The following TET1 variants were observed in gnomAD, a reference collection of about 807,000 sequenced individuals.
TET1 encodes the protein tet methylcytosine dioxygenase 1.
TET1 carries 13 observed loss-of-function variants against 148.7 expected under a neutral mutation model. The observed-to-expected ratio is 0.09, with a 90% confidence interval of 0.06 to 0.14. The LOEUF (loss-of-function observed/expected upper bound fraction) is 0.14. Ranked by LOEUF, TET1 falls within the 10% of genes least tolerant of loss-of-function variation. The pLI, the probability that TET1 is intolerant of heterozygous loss-of-function variation, is 1.00. For missense variants in TET1, 2,182 were observed against 2,553.8 expected (o/e 0.85, Z 3.14); for synonymous variants, 907 against 937.2 (o/e 0.97, Z 0.59).
chr10:68,620,313 C>A (rs2054352304), intron 3 of TET1, among the ~76,000 whole-genome samples: 1 of 152,190 alleles, frequency 6.6e-6, no homozygotes, highest in Non-Finnish European at 1.5e-5. Flanking sequence ...CCTTAGCTGT[C>A]ATTCCCCAAT....
At chr10:68,614,484 T>G (rs1196023248) in intron 3 of TET1, among the ~76,000 whole-genome samples, 1 of 152,190 alleles carries the variant, frequency 6.6e-6, no homozygotes, top group East Asian at 1.9e-4. Flanking sequence ...ATTTGCTAAA[T>G]TCTGAAATGA....
At chr10:68,569,166 C>CTGTTTTTTTTTTT in intron 1 of TET1, among the ~76,000 whole-genome samples, 1 of 69,778 alleles carries the variant, frequency 1.4e-5, no homozygotes, top group Non-Finnish European at 2.6e-5. Context: ...AGGAGAGTTT[C>CTGTTTTTTTTTTT]TTTTTTTTTT....
Position 68,691,060 on chromosome 10 carries a change from G to C in TET1, c.5657G>C (p.Gly1886Ala), listed in dbSNP as rs2055584464. Residue 1886 changes from glycine to alanine, a missense_variant, in exon 12 of 12, where the codon GGA becomes GCA. Transcript: ENST00000373644. This position sits in a 1 kb window ranked among gnomAD's most constrained non-coding sequence, Gnocchi z 4.4. ...SSTPHCTMPS[G>A]RLSGANAAAA... ...ACTCCCCACTGTACGATGCCTTCGGGAAGACTCAGTGGTGCCAATGCAGCT... is the reference window on the plus strand; with the variant it reads ...ACTCCCCACTGTACGATGCCTTCGGCAAGACTCAGTGGTGCCAATGCAGCT... 6.2e-7 allele frequency: 1 copy of C among 1,614,068 alleles called. No homozygotes were observed. Among genetic ancestry groups the C allele is most frequent in the South Asian group, 1.1e-5 (1 of 91,086 alleles).
At chr10:68,681,896 A>G (rs1422705580) in intron 9 of TET1, among the ~76,000 whole-genome samples, 1 of 148,222 alleles carries the variant, frequency 6.7e-6, no homozygotes, top group Non-Finnish European at 1.5e-5. Context: ...TGAACCCAGG[A>G]GGTGGAGGTT....
intron 3 of TET1, among the ~76,000 whole-genome samples, chr10:68,618,249 G>C (rs767990030): frequency 9.9e-5 from 15 of 152,110 alleles, no homozygotes; most frequent in Non-Finnish European, 2.1e-4. Context: ...GCACAGTGTA[G>C]TTAAAATGGC....
chr10:68,683,430 G>C (rs34219621), intron 10 of TET1, among the ~76,000 whole-genome samples: 16,619 of 151,894 alleles, frequency 0.11, 1,110 homozygotes, highest in South Asian at 0.17. Context: ...AGGCGCCCAC[G>C]ACCACACCCG....
In TET1 at chr10:68,645,877, C is replaced by G; in HGVS notation, c.3148C>G (p.Gln1050Glu). The change falls in exon 4 of 12, where the codon CAG becomes GAG. Residue 1050 changes from glutamine (Q) to glutamate (E), a missense_variant. Coordinates refer to ENST00000373644, the MANE Select transcript of TET1 (RefSeq NM_030625.3). ...AAATAATGAAGTGGAGTATTGCAAC[C>G]AGTTACTGGACAGCAGCAAAAAATT... The part of the protein sequence containing the change: ...PRNNEVEYCN[Q>E]LLDSSKKLDS... The G allele has an allele frequency of 6.2e-7, 1 of 1,613,878 alleles. No individual in the cohort carries two copies. The highest frequency in any genetic ancestry group is 8.5e-7 in the Non-Finnish European group (1 of 1,179,986).
chr10:68,609,132 G>C (rs1043315466), intron 3 of TET1, among the ~76,000 whole-genome samples: 2 of 151,980 alleles, frequency 1.3e-5, no homozygotes, highest in Non-Finnish European at 2.9e-5. Flanking sequence ...TGAGTACCTA[G>C]GTTGACAAGT....
At chr10:68,563,204 A>T (rs1230387362) in intron 1 of TET1, among the ~76,000 whole-genome samples, 1 of 151,736 alleles carries the variant, frequency 6.6e-6, no homozygotes, top group Non-Finnish European at 1.5e-5. Context: ...ATATGGAAGG[A>T]GCCATTGACT....
intron 11 of TET1, among the ~76,000 whole-genome samples, chr10:68,689,365 T>G (rs537186874): frequency 2.0e-5 from 3 of 152,310 alleles, no homozygotes; most frequent in African/African-American, 7.2e-5. Flanking sequence ...CTTTTCTTGG[T>G]CCTAAGATTT....
At chr10:68,673,535 A>G (rs773458236) in intron 8 of TET1, 5 of 269,998 alleles carry the variant, frequency 1.9e-5, no homozygotes, top group Middle Eastern at 4.3e-4. Context: ...AATAAGTTCA[A>G]TACTTATATA....
At chr10:68,657,281 ATTCTCCT>A (rs1315896158) in intron 6 of TET1, among the ~76,000 whole-genome samples, 4 of 151,980 alleles carry the variant, frequency 2.6e-5, no homozygotes, top group African/African-American at 9.7e-5. Context: ...AGTTCACGCC[ATTCTCCT>A]GCCTCAGCCT....
intron 4 of TET1, among the ~76,000 whole-genome samples, chr10:68,649,735 A>G (rs763548138): frequency 6.6e-6 from 1 of 152,086 alleles, no homozygotes; most frequent in Non-Finnish European, 1.5e-5. Context: ...TTCTATGTGC[A>G]TGGTTCTAAA....
In TET1 at chr10:68,646,945, C is replaced by G; in HGVS notation, c.4216C>G (p.Pro1406Ala). The G allele has an allele frequency of 6.2e-7, 1 of 1,614,046 alleles. No individual in the cohort carries two copies. Among genetic ancestry groups the G allele is most frequent in the Non-Finnish European group, 8.5e-7 (1 of 1,179,992 alleles). ...NDYAMNFFTN[P>A]TKNLVSITKD... ...TTATGCCATGAACTTCTTTACTAAC[C>G]CTACAAAAAACCTAGTGTCTATAAC... The change falls in exon 4 of 12, where the codon CCT becomes GCT. Residue 1406 changes from proline (P) to alanine (A), a missense_variant. Pro to Ala is a conservative substitution (Grantham distance 27). Around this residue, in one of 11 missense-constraint regions of TET1, gnomAD observed 169 missense variants for 263.7 expected, o/e 0.64. Coordinates refer to ENST00000373644, the MANE Select transcript of TET1 (RefSeq NM_030625.3).
rs2055630512 is a variant in TET1 at position 68,694,425 on chromosome 10, G to A, written c.*2611G>A. 1 of 232,198 alleles carries A rather than the reference G, an allele frequency of 4.3e-6. No individual in the cohort carries two copies. Among genetic ancestry groups the A allele is most frequent in the African/African-American group, 2.2e-5 (1 of 45,288 alleles). 14.4% of individuals were successfully genotyped at this position (232,198 alleles called of 1,614,324 possible). ...TTGTATGCTGGCTACACTGCTTTTAGAATGCTCTTTCTCATGAAGCAAGGA... is the reference window on the plus strand; with the variant it reads ...TTGTATGCTGGCTACACTGCTTTTAAAATGCTCTTTCTCATGAAGCAAGGA... On this transcript the variant is annotated 3_prime_UTR_variant, in exon 12 of 12. Coordinates refer to ENST00000373644, the MANE Select transcript of TET1 (RefSeq NM_030625.3).
In TET1 at chr10:68,632,908, G is replaced by A. The variant is rs536011228; in HGVS notation, c.1969-11790G>A. On this transcript the variant is annotated intron_variant, in intron 3 of 11. Transcript: ENST00000373644. ...AGATTTGTCATAGGAAGAATCTCCTGAACTCTTAAGGAGCATTTAAATGGT... is the reference window on the plus strand; with the variant it reads ...AGATTTGTCATAGGAAGAATCTCCTAAACTCTTAAGGAGCATTTAAATGGT... 3.3e-5 allele frequency among the ~76,000 whole-genome samples: 5 copies of A among 150,556 alleles called. No individual in the cohort carries two copies. The East Asian group carries it at 7.8e-4, about 23-fold the overall frequency.
In TET1 at chr10:68,572,698, G is replaced by A. The variant is rs2053683791; in HGVS notation, c.360G>A (p.Leu120=). The change falls in exon 2 of 12, where the codon CTG becomes CTA. Residue 120 remains leucine, a synonymous_variant. Transcript: ENST00000373644. The part of the protein sequence containing the change: ...SLSRRLSQPP[L]VVAKSKKVPL... ...GCAGGCGACTCTCCCAACCCCCACT[G>A]GTCGTAGCCAAATCCAAAAAGGTTC... 6.2e-7 allele frequency: 1 copy of A among 1,613,960 alleles called. No homozygotes were observed. Among genetic ancestry groups the A allele is most frequent in the Non-Finnish European group, 8.5e-7 (1 of 1,180,012 alleles).
chr10:68,644,821 A>T lies in TET1; in HGVS notation c.2092A>T (p.Asn698Tyr). 3 of 1,614,062 alleles carry T rather than the reference A, an allele frequency of 1.9e-6. No homozygotes were observed. Among genetic ancestry groups the T allele is most frequent in the African/African-American group, 1.3e-5 (1 of 75,056 alleles). Residue 698 changes from asparagine (N) to tyrosine (Y), a missense_variant, in exon 4 of 12, where the codon AAT becomes TAT. Physicochemically the swap from Asn to Tyr is moderately radical, Grantham distance 143. Transcript: ENST00000373644. ...ACATACTGTTGAAAATGTAACTAAAAATGAAGACAGCATGACAGGCATCGA... is the reference window on the plus strand; with the variant it reads ...ACATACTGTTGAAAATGTAACTAAATATGAAGACAGCATGACAGGCATCGA... ...NPHTVENVTKNEDSMTGIEVE... is the reference protein window; with the variant it reads ...NPHTVENVTKYEDSMTGIEVE...
In TET1 at chr10:68,693,083, TA is replaced by T. The variant is rs1488479082; in HGVS notation, c.*1270del. On this transcript the variant is annotated 3_prime_UTR_variant, in exon 12 of 12. Transcript: ENST00000373644. ...TAAGAGCTAATTCATTTGTTTATCT[TA>T]GCATACTAGATTTGGGAAAATGATA... 8.7e-6 allele frequency: 2 copies of T among 229,546 alleles called. No homozygotes were observed. Among genetic ancestry groups the T allele is most frequent in the Non-Finnish European group, 1.7e-5 (2 of 117,058 alleles). The allele number at this position is 229,546 out of a possible 1,614,324, so 14.2% of individuals were successfully genotyped here. A position where few individuals can be genotyped will look rare whatever the true frequency, so the allele number is the denominator to read the frequency against.
Sources: gnomAD v4.1 joint callset for allele counts (sites outside exome capture counted in the v4.1 genomes callset) on GRCh38, gnomAD v4.1.1 for gene constraint, gnomAD v4.1.1 regional missense constraint, Gnocchi (gnomAD v3.1) non-coding constraint, MANE v1.5 for transcripts, NCBI Gene and HGNC (gene_info 2026-07-23, HGNC 2026-07-21) for gene names.